Variants in PTK2 observed in about 807,000 individuals in gnomAD.
PTK2 encodes the protein focal adhesion kinase 1.
PTK2 carries 45 observed loss-of-function variants against 150.1 expected under a neutral mutation model. The ratio of observed to expected loss-of-function variants is 0.30; its 90% CI spans 0.24 to 0.38. PTK2 has a LOEUF of 0.38. Ranked by LOEUF, PTK2 falls within the 10% of genes least tolerant of loss-of-function variation. The probability of loss-of-function intolerance (pLI) is 1.00; values close to 1 mark genes in which losing one functional copy is unlikely to be tolerated. For synonymous variants in PTK2, 432 were observed against 449.2 expected (o/e 0.96, Z 0.48); for missense variants, 919 against 1,307.3 (o/e 0.70, Z 4.58).
At chr8:140,927,961 AAAAAAAAAAAAAAAATAT>A (rs1569054774) in intron 1 of PTK2, among the ~76,000 whole-genome samples, 7 of 32,756 alleles carry the variant, frequency 2.1e-4, no homozygotes, top group African/African-American at 5.7e-4. Context: ...AAAAAAAGAA[AAAAAAAAAAAAAAAATAT>A]ATATATATAT....
intron 27 of PTK2, among the ~76,000 whole-genome samples, chr8:140,683,049 TAAATGAAACCAG>T (rs2100017944): frequency 6.6e-6 from 1 of 151,890 alleles, no homozygotes; most frequent in South Asian, 2.1e-4. Flanking sequence ...ATGCAAAAGA[TAAATGAAACCAG>T]AAATTGGTTA....
chr8:140,920,915 C>T lies in PTK2; in HGVS notation c.-33+4746G>A, dbSNP rs748990553. 1.5e-5 allele frequency: 22 copies of T among 1,511,436 alleles called. No individual in the cohort carries two copies. In the South Asian group the frequency reaches 2.6e-4, roughly 18 times the overall value. 93.6% of individuals were successfully genotyped at this position (1,511,436 alleles called of 1,614,324 possible). ...TTGGCCTGCCAGTTCCAACAACATA[C>T]ACCCAATCCTATAAAGATCAAGCCA... On this transcript the variant is annotated intron_variant, in intron 2 of 31. Coordinates refer to ENST00000522684, the Ensembl canonical transcript of PTK2.
chr8:140,953,862 T>C (rs1338600040), intron 1 of PTK2, among the ~76,000 whole-genome samples: 6 of 152,180 alleles, frequency 3.9e-5, no homozygotes, highest in Non-Finnish European at 1.5e-5. Flanking sequence ...CCTGGCTCAC[T>C]GCAGCCTCAA....
intron 14 of PTK2, among the ~76,000 whole-genome samples, chr8:140,782,413 G>C (rs559686634): frequency 2.0e-5 from 3 of 151,778 alleles, no homozygotes; most frequent in Admixed American, 2.0e-4. Context: ...CCTGGCTACA[G>C]TTTTTGTAGA....
chr8:140,962,115 G>A (rs2100183393), intron 1 of PTK2, among the ~76,000 whole-genome samples: 1 of 151,866 alleles, frequency 6.6e-6, no homozygotes, highest in African/African-American at 2.4e-5. Flanking sequence ...GAGCTACTCA[G>A]GAGGCTGAGA....
At chr8:140,782,242 TG>T (rs1193015138) in intron 14 of PTK2, among the ~76,000 whole-genome samples, 4 of 117,360 alleles carry the variant, frequency 3.4e-5, no homozygotes, top group Admixed American at 1.9e-4. Context: ...AAAATTTGGT[TG>T]TTTTTTTTTT....
chr8:140,976,765 T>C (rs1422705065), intron 1 of PTK2, among the ~76,000 whole-genome samples: 1 of 152,262 alleles, frequency 6.6e-6, no homozygotes, highest in Non-Finnish European at 1.5e-5. Context: ...GTTAGTCTAA[T>C]CTTTTTTTCA....
intron 6 of PTK2, 34 bp downstream of exon 6, chr8:140,846,564 TA>T: frequency 6.8e-7 from 1 of 1,476,672 alleles, no homozygotes. Context: ...AAAAAATTGA[TA>T]AATAAAGGCC....
chr8:140,871,479 TAAC>T (rs2100142454), intron 4 of PTK2, among the ~76,000 whole-genome samples: 1 of 152,130 alleles, frequency 6.6e-6, no homozygotes, highest in South Asian at 2.1e-4. Flanking sequence ...TTAAAAGCAA[TAAC>T]AAAATAAAAC....
At chr8:140,839,620 A>T (rs1289246675) in intron 7 of PTK2, among the ~76,000 whole-genome samples, 1 of 152,242 alleles carries the variant, frequency 6.6e-6, no homozygotes, top group Admixed American at 6.5e-5. Flanking sequence ...AACGTATGGC[A>T]TAAAGATACT....
At chr8:140,906,068 C>T (rs992644193) in intron 2 of PTK2, among the ~76,000 whole-genome samples, 1 of 146,912 alleles carries the variant, frequency 6.8e-6, no homozygotes, top group African/African-American at 2.5e-5. Flanking sequence ...ATCTGAAAGA[C>T]ATTTCTCAAT....
chr8:140,658,582 C>A, exon 32 of PTK2: 1 of 199,300 alleles, frequency 5.0e-6, no homozygotes, highest in Non-Finnish European at 1.0e-5. Flanking sequence ...TCATTCTCTC[C>A]TGGGAAGACA....
At chr8:140,761,174 A>G in exon 16 of PTK2, 1 of 1,606,290 alleles carries the variant, frequency 6.2e-7, no homozygotes, top group South Asian at 1.1e-5. Context: ...CTGGACTCAT[A>G]TAAATGCCTT....
intron 27 of PTK2, among the ~76,000 whole-genome samples, chr8:140,680,483 G>T (rs921783866): frequency 2.8e-4 from 43 of 152,118 alleles, no homozygotes; most frequent in African/African-American, 9.9e-4. Context: ...ACCGCTCCTG[G>T]CCACAAGTTC....
At position 140,991,990 on chromosome 8, in the gene PTK2, CA is replaced by C. The variant is rs974499326; in HGVS notation, c.-122+9134del. Among the ~76,000 whole-genome samples, 14 of 150,356 alleles carry C rather than the reference CA, an allele frequency of 9.3e-5. No homozygotes were observed. The East Asian group carries it at 1.8e-3, about 19-fold the overall frequency. ...GACCCGGTCTCAAAGAAAAACAAAA[CA>C]AAAAAAAATGAAACAACAGGCCAGG... On this transcript the variant is annotated intron_variant, in intron 1 of 31. Coordinates refer to ENST00000522684, the Ensembl canonical transcript of PTK2.
intron 27 of PTK2, among the ~76,000 whole-genome samples, chr8:140,683,058 C>A (rs1004517429): frequency 1.4e-4 from 21 of 151,680 alleles, no homozygotes; most frequent in African/African-American, 5.1e-4. Flanking sequence ...ATAAATGAAA[C>A]CAGAAATTGG....
intron 2 of PTK2, among the ~76,000 whole-genome samples, chr8:140,893,140 C>T (rs926300388): frequency 1.3e-5 from 2 of 152,098 alleles, no homozygotes; most frequent in African/African-American, 4.8e-5. Context: ...CCAGCCTGGG[C>T]AACATGGCGA....
intron 14 of PTK2, among the ~76,000 whole-genome samples, chr8:140,776,223 G>C (rs966870869): frequency 2.6e-5 from 4 of 152,058 alleles, no homozygotes; most frequent in African/African-American, 9.7e-5. Flanking sequence ...GGCTGGTCTG[G>C]AATTTCTGAC....
chr8:140,989,169 G>A (rs983422409), intron 1 of PTK2, among the ~76,000 whole-genome samples: 1 of 132,238 alleles, frequency 7.6e-6, no homozygotes, highest in Non-Finnish European at 1.5e-5. Context: ...GTTGAGCTCA[G>A]GAGTTTGAGA....
Sources: allele counts gnomAD v4.1 joint callset (sites outside exome capture counted in the v4.1 genomes callset), GRCh38; gene constraint gnomAD v4.1.1; transcripts MANE v1.5; gene names NCBI Gene and HGNC (gene_info 2026-07-23, HGNC 2026-07-21).